The following RAPH1 variants were observed in gnomAD, a reference collection of about 807,000 sequenced individuals.
The protein encoded by RAPH1 is Ras association (RalGDS/AF-6) and pleckstrin homology domains 1.
A neutral mutation model predicts 88.1 loss-of-function variants in RAPH1; 18 were observed. That is an observed-to-expected ratio of 0.20 (90% confidence interval 0.14 to 0.30). RAPH1 has a LOEUF of 0.30. RAPH1 is among the 10% of genes least tolerant of loss of function. The pLI is 1.00. For synonymous variants in RAPH1, 587 were observed against 559.0 expected (o/e 1.05, Z -0.71); for missense variants, 1,448 against 1,543.2 (o/e 0.94, Z 1.03).
chr2:203,491,270 C>A lies in RAPH1; in HGVS notation c.170G>T (p.Arg57Leu). 5 of 1,613,264 alleles carry A rather than the reference C, an allele frequency of 3.1e-6. No homozygotes were observed. The highest frequency in any genetic ancestry group is 1.1e-5 in the South Asian group (1 of 91,006). The part of the protein sequence containing the change: ...PMEPVKRSPL[R>L]QETNMANFSY... ...AAAGTTGGCCATGTTTGTTTCCTGG[C>A]GAAGAGGAGATCTTTTTACTGGTTC... The change falls in exon 3 of 14, where the codon CGC becomes CTC. Residue 57 changes from arginine to leucine, a missense_variant. Arg to Leu is a moderately radical substitution (Grantham distance 102, BLOSUM62 -2). Transcript: ENST00000319170.
chr2:203,532,986 T>G (rs1035203702), intron 1 of RAPH1, among the ~76,000 whole-genome samples: 1 of 152,190 alleles, frequency 6.6e-6, no homozygotes, highest in Non-Finnish European at 1.5e-5. Flanking sequence ...AATCTGTGAA[T>G]AGTGTGACAG....
chr2:203,480,669 A>G (rs1035523846), intron 4 of RAPH1, among the ~76,000 whole-genome samples: 2 of 152,266 alleles, frequency 1.3e-5, no homozygotes, highest in Non-Finnish European at 2.9e-5. Flanking sequence ...CTTCCTTGTG[A>G]TAGCTAACAC....
intron 2 of RAPH1, among the ~76,000 whole-genome samples, chr2:203,493,444 T>C (rs1451388219): frequency 1.3e-5 from 2 of 152,150 alleles, no homozygotes; most frequent in Non-Finnish European, 2.9e-5. Flanking sequence ...CTTGCATACT[T>C]TTCTCCATGC....
intron 4 of RAPH1, among the ~76,000 whole-genome samples, chr2:203,486,840 T>C (rs1687994259): frequency 6.6e-6 from 1 of 152,230 alleles, no homozygotes; most frequent in Admixed American, 6.5e-5. Context: ...AAACCACCTT[T>C]CTATACTCCT....
intron 2 of RAPH1, among the ~76,000 whole-genome samples, chr2:203,493,621 C>T (rs1438436774): frequency 6.6e-6 from 1 of 152,178 alleles, no homozygotes; most frequent in East Asian, 1.9e-4. Context: ...AAAAATGTCA[C>T]TTCTTCTGAT....
intron 1 of RAPH1, among the ~76,000 whole-genome samples, chr2:203,499,221 A>T (rs1273288600): frequency 1.3e-5 from 2 of 152,194 alleles, no homozygotes; most frequent in Non-Finnish European, 1.5e-5. Context: ...CCCTTTAAAA[A>T]TTTTCATTTA....
intron 6 of RAPH1, 77 bp from the exon 7 acceptor site, chr2:203,460,105 G>A: frequency 7.8e-7 from 1 of 1,280,034 alleles, no homozygotes; most frequent in South Asian, 1.4e-5. Context: ...TTGTGAAGTA[G>A]TTAACCTCAG....
intron 13 of RAPH1, chr2:203,441,934 T>C: frequency 7.3e-7 from 1 of 1,372,178 alleles, no homozygotes; most frequent in Non-Finnish European, 9.4e-7. Context: ...CACAGGAGAG[T>C]ATGAGAATGT....
At chr2:203,483,910 G>A (rs1687841770) in intron 4 of RAPH1, among the ~76,000 whole-genome samples, 1 of 152,116 alleles carries the variant, frequency 6.6e-6, no homozygotes, top group African/African-American at 2.4e-5. Flanking sequence ...GCCTAGGACT[G>A]ATAATTATAC....
chr2:203,457,919 C>G (rs189615911), intron 7 of RAPH1, among the ~76,000 whole-genome samples: 81 of 152,228 alleles, frequency 5.3e-4, no homozygotes, highest in African/African-American at 1.9e-3. Context: ...GTTAGAGGAT[C>G]TGAAAGGTTT....
Position 203,436,037 on chromosome 2 carries a change from T to C in RAPH1, c.*3400A>G, listed in dbSNP as rs1183759841. 1 of 152,232 alleles carries C rather than the reference T, an allele frequency of 6.6e-6. No homozygotes were observed. Among genetic ancestry groups the C allele is most frequent in the African/African-American group, 2.4e-5 (1 of 41,460 alleles). 9.4% of individuals were successfully genotyped at this position (152,232 alleles called of 1,614,324 possible). On this transcript the variant is annotated 3_prime_UTR_variant, in exon 14 of 14. Coordinates refer to ENST00000319170, the MANE Select transcript of RAPH1 (RefSeq NM_213589.3). ...CTCCTAATAACCTTGATGTCAGAGTTGTCACTTGGTTGGAATTATTATGAT... is the reference window on the plus strand; with the variant it reads ...CTCCTAATAACCTTGATGTCAGAGTCGTCACTTGGTTGGAATTATTATGAT...
chr2:203,522,207 CT>C (rs1328250681), intron 1 of RAPH1, among the ~76,000 whole-genome samples: 1 of 152,148 alleles, frequency 6.6e-6, no homozygotes, highest in East Asian at 1.9e-4. Flanking sequence ...TCCTGTATTT[CT>C]AGCATTGTCA....
At chr2:203,457,343 C>T (rs1403903979) in intron 8 of RAPH1, among the ~76,000 whole-genome samples, 187 bp downstream of exon 8, 1 of 151,932 alleles carries the variant, frequency 6.6e-6, no homozygotes, top group Non-Finnish European at 1.5e-5. Context: ...CCCACCACCA[C>T]GCCTGGCTAA....
intron 4 of RAPH1, among the ~76,000 whole-genome samples, chr2:203,479,034 A>G (rs543045310): frequency 7.2e-5 from 11 of 152,346 alleles, no homozygotes; most frequent in Non-Finnish European, 1.2e-4. Context: ...GGAAACAGAT[A>G]CTGAAGTATT....
chr2:203,509,743 T>G (rs970753648), intron 1 of RAPH1, among the ~76,000 whole-genome samples: 4 of 152,170 alleles, frequency 2.6e-5, no homozygotes, highest in Non-Finnish European at 5.9e-5. Context: ...TGGGGCCTGG[T>G]GTGAGGTGAT....
intron 4 of RAPH1, among the ~76,000 whole-genome samples, chr2:203,477,800 A>G (rs1245694996): frequency 6.6e-6 from 1 of 152,154 alleles, no homozygotes; most frequent in Non-Finnish European, 1.5e-5. Context: ...TCAACTAATC[A>G]GTACATTGGG....
rs779901723 is a variant in RAPH1 at position 203,441,093 on chromosome 2, A to G, written c.2097T>C (p.Pro699=). ...PPVMQSQSVK[P]QILVPPNGVV... ...CTCCATTGGGGGGTACCAGGATCTGAGGCTTCACTGACTGTGACTGCATCA... is the reference window on the plus strand; with the variant it reads ...CTCCATTGGGGGGTACCAGGATCTGGGGCTTCACTGACTGTGACTGCATCA... The change falls in exon 14 of 14, where the codon CCT becomes CCC. Residue 699 remains proline, a synonymous_variant. Transcript: ENST00000319170. 1.1e-5 allele frequency: 17 copies of G among 1,601,494 alleles called. No individual in the cohort carries two copies. Among genetic ancestry groups the G allele is most frequent in the East Asian group, 2.2e-5 (1 of 44,692 alleles).
At chr2:203,534,774 C>T (rs1690542710) in intron 1 of RAPH1, among the ~76,000 whole-genome samples, 1 of 152,152 alleles carries the variant, frequency 6.6e-6, no homozygotes, top group Non-Finnish European at 1.5e-5. Flanking sequence ...CCTGCGGTCC[C>T]GGGCCACCAG....
intron 1 of RAPH1, among the ~76,000 whole-genome samples, chr2:203,511,428 T>G (rs1316086469): frequency 6.6e-6 from 1 of 152,212 alleles, no homozygotes; most frequent in Non-Finnish European, 1.5e-5. Flanking sequence ...AAGAGTATTT[T>G]AATAGTATTT....
Sources: allele counts gnomAD v4.1 joint callset (sites outside exome capture counted in the v4.1 genomes callset), GRCh38; gene constraint gnomAD v4.1.1; transcripts MANE v1.5; gene names NCBI Gene and HGNC (gene_info 2026-07-23, HGNC 2026-07-21).